The following RTTN variants were observed in gnomAD, a reference collection of about 807,000 sequenced individuals.
RTTN encodes rotatin.
In RTTN, 182 loss-of-function variants were observed where a neutral mutation model predicts 269.2. That is an observed-to-expected ratio of 0.68 (90% CI 0.60 to 0.76). The LOEUF is 0.76. RTTN is among the 30% of genes least tolerant of loss of function. The pLI, the probability that RTTN is intolerant of heterozygous loss-of-function variation, is 0.00. For missense variants in RTTN, 2,545 were observed against 2,608.6 expected (o/e 0.98, Z 0.53); for synonymous variants, 1,006 against 963.5 (o/e 1.04, Z -0.82).
At chr18:70,103,975 C>G (rs2145384220) in intron 28 of RTTN, among the ~76,000 whole-genome samples, 1 of 151,746 alleles carries the variant, frequency 6.6e-6, no homozygotes, top group South Asian at 2.1e-4. Flanking sequence ...CTTGGAGTTG[C>G]TCTTCTCAAG....
chr18:70,158,979 C>A (rs1367425725), intron 14 of RTTN, among the ~76,000 whole-genome samples: 2 of 152,112 alleles, frequency 1.3e-5, no homozygotes, highest in South Asian at 2.1e-4. Flanking sequence ...TAGACAACCA[C>A]AAAATAATAG....
Position 70,092,804 on chromosome 18 carries a change from C to A in RTTN, c.3904G>T (p.Val1302Phe). 1 of 1,600,534 alleles carries A rather than the reference C, an allele frequency of 6.2e-7. No individual in the cohort carries two copies. The highest frequency in any genetic ancestry group is 8.5e-7 in the Non-Finnish European group (1 of 1,170,328). Reference protein sequence around the residue: ...CVKYLSGLLEVITSFYVERGG... With the variant: ...CVKYLSGLLEFITSFYVERGG... ...CGCTCCACATAAAAAGAAGTAATGACCTGAAAAACAAATGTAAACAATTTC... is the reference window on the plus strand; with the variant it reads ...CGCTCCACATAAAAAGAAGTAATGAACTGAAAAACAAATGTAAACAATTTC... The change falls in exon 29 of 49, where the codon GTC becomes TTC. Residue 1302 changes from valine (V) to phenylalanine (F), a missense_variant and splice_region_variant. Coordinates refer to ENST00000640769, the MANE Select transcript of RTTN (RefSeq NM_173630.4).
chr18:70,124,524 G>A (rs1169896073), intron 25 of RTTN, among the ~76,000 whole-genome samples: 1 of 152,080 alleles, frequency 6.6e-6, no homozygotes, highest in Non-Finnish European at 1.5e-5. Flanking sequence ...CAGCCAAGGA[G>A]TTAACTATGT....
chr18:70,080,341 T>C (rs2058532430), intron 32 of RTTN, among the ~76,000 whole-genome samples: 1 of 152,068 alleles, frequency 6.6e-6, no homozygotes, highest in African/African-American at 2.4e-5. Context: ...TTGGAGCAAA[T>C]ATCTGATTCC....
chr18:70,097,435 C>G (rs1392945413), intron 28 of RTTN, among the ~76,000 whole-genome samples: 1 of 152,220 alleles, frequency 6.6e-6, no homozygotes, highest in African/African-American at 2.4e-5. Context: ...ACAGGGATAC[C>G]TGTTTATGTA....
At chr18:70,115,965 T>A (rs1339794814) in intron 26 of RTTN, among the ~76,000 whole-genome samples, 1 of 152,018 alleles carries the variant, frequency 6.6e-6, no homozygotes, top group African/African-American at 2.4e-5. Context: ...TACAGTATTT[T>A]AACATCTAAA....
At chr18:70,066,879 T>C (rs993778921) in intron 34 of RTTN, among the ~76,000 whole-genome samples, 6 of 152,204 alleles carry the variant, frequency 3.9e-5, no homozygotes, top group African/African-American at 1.4e-4. Flanking sequence ...AAAGAGAATA[T>C]AAATTTGAAG....
In RTTN at chr18:70,166,019, A is replaced by G. The variant is rs1336455140; in HGVS notation, c.1929+43T>C. The G allele has an allele frequency of 2.5e-6, 4 of 1,600,684 alleles. No homozygotes were observed. The South Asian group carries it at 4.4e-5, about 18-fold the overall frequency. On this transcript the variant is annotated intron_variant, in intron 14 of 48. Transcript: ENST00000640769. ...TGAAGGTATAACAAGAGAGTCTACT[A>G]TTTGTTCTCAAAAACAAAACATACG... is the stretch of plus-strand genomic sequence containing the variant.
At chr18:70,019,037 G>A (rs186830425) in intron 45 of RTTN, among the ~76,000 whole-genome samples, 267 of 152,108 alleles carry the variant, frequency 1.8e-3, no homozygotes, top group Non-Finnish European at 2.6e-3. Flanking sequence ...AAGTGTCTGG[G>A]CTCATTATTA....
At chr18:70,144,602 C>T (rs1442864810) in intron 18 of RTTN, among the ~76,000 whole-genome samples, 2 of 152,158 alleles carry the variant, frequency 1.3e-5, no homozygotes, top group Non-Finnish European at 1.5e-5. Context: ...ATGCCCTCTC[C>T]CCGCCTTCCT....
chr18:70,061,492 G>C (rs886796222), intron 35 of RTTN: 1 of 453,060 alleles, frequency 2.2e-6, no homozygotes, highest in South Asian at 1.6e-5. Context: ...GCTAGAAAAC[G>C]TGTGTGTATA....
At chr18:70,087,003 G>T (rs1433232015) in intron 31 of RTTN, among the ~76,000 whole-genome samples, 1 of 151,664 alleles carries the variant, frequency 6.6e-6, no homozygotes, top group Non-Finnish European at 1.5e-5. Context: ...AATTCTTCTG[G>T]TAGCATTTAA....
chr18:70,054,081 T>C, intron 38 of RTTN, 50 bp downstream of exon 38: 1 of 1,462,266 alleles, frequency 6.8e-7, no homozygotes, highest in Non-Finnish European at 9.4e-7. Flanking sequence ...GTAAGTTTTT[T>C]TTCCTCAGTA....
At chr18:70,030,796 A>T in intron 41 of RTTN, 80 bp downstream of exon 41, 1 of 1,096,436 alleles carries the variant, frequency 9.1e-7, no homozygotes, top group Non-Finnish European at 1.3e-6. Flanking sequence ...TTTTGAGTCC[A>T]AAGAAAATTA....
At position 70,128,496 on chromosome 18, in the gene RTTN, G is replaced by C. The variant is rs1330641947; in HGVS notation, c.3005C>G (p.Ser1002Cys). 3 of 1,613,086 alleles carry C rather than the reference G, an allele frequency of 1.9e-6. No individual in the cohort carries two copies. Among genetic ancestry groups the C allele is most frequent in the Non-Finnish European group, 2.5e-6 (3 of 1,179,436 alleles). The change falls in exon 24 of 49, where the codon TCC (serine) becomes TGC (cysteine). Residue 1002 changes from serine to cysteine, a missense_variant. Physicochemically the swap from Ser to Cys is moderately radical, Grantham distance 112. Transcript: ENST00000640769. ...ATCAGCAGATAAGGGCAAAACTATGGAGTAAGGACTCACAGCATGGTGTCC... is the reference window on the plus strand; with the variant it reads ...ATCAGCAGATAAGGGCAAAACTATGCAGTAAGGACTCACAGCATGGTGTCC... ...VIGHHAVSPY[S>C]IVLPLSADCL...
chr18:70,075,602 G>T, intron 32 of RTTN, 61 bp from the exon 33 acceptor site: 1 of 1,348,028 alleles, frequency 7.4e-7, no homozygotes, highest in Non-Finnish European at 1.0e-6. Flanking sequence ...TCCTTAAAAA[G>T]ATCCATTGTC....
chr18:70,021,811 C>A (rs1468228635), intron 44 of RTTN, among the ~76,000 whole-genome samples: 1 of 152,040 alleles, frequency 6.6e-6, no homozygotes, highest in Non-Finnish European at 1.5e-5. Flanking sequence ...AAGGAATAAG[C>A]CATCATCAGC....
At chr18:70,168,021 G>C (rs956995072) in intron 12 of RTTN, among the ~76,000 whole-genome samples, 2 of 151,322 alleles carry the variant, frequency 1.3e-5, no homozygotes, top group Admixed American at 6.6e-5. Flanking sequence ...GGTAGCATGT[G>C]CCTATAGTAC....
At chr18:70,062,608 CTTT>C (rs34842071) in intron 35 of RTTN, among the ~76,000 whole-genome samples, 6 of 61,794 alleles carry the variant, frequency 9.7e-5, no homozygotes, top group South Asian at 1.7e-3. Flanking sequence ...ATCCTCCCCT[CTTT>C]TTTTTTTTTT....
Sources: allele counts gnomAD v4.1 joint callset (sites outside exome capture counted in the v4.1 genomes callset), GRCh38; gene constraint gnomAD v4.1.1; transcripts MANE v1.5; gene names NCBI Gene and HGNC (gene_info 2026-07-23, HGNC 2026-07-21).